FOCAD: variants seen among roughly 807,000 people sequenced by gnomAD.
FOCAD encodes the protein focadhesin, also known as KIAA1797.
FOCAD carries 198 observed loss-of-function variants against 225.6 expected under a neutral mutation model. The ratio of observed to expected loss-of-function variants is 0.88; its 90% CI spans 0.78 to 0.99. FOCAD has a LOEUF of 0.99. Ranked by LOEUF, FOCAD falls within the 50% of genes least tolerant of loss-of-function variation. The pLI, the probability that FOCAD is intolerant of heterozygous loss-of-function variation, is 0.00. For synonymous variants in FOCAD, 897 were observed against 755.0 expected (o/e 1.19, Z -3.08); for missense variants, 2,713 against 2,123.6 (o/e 1.28, Z -5.46).
intron 14 of FOCAD, among the ~76,000 whole-genome samples, chr9:20,821,404 T>C (rs1039009858): frequency 6.6e-6 from 1 of 152,130 alleles, no homozygotes; most frequent in African/African-American, 2.4e-5. Context: ...TAGACTGTTG[T>C]CATAAACTAT....
intron 7 of FOCAD, among the ~76,000 whole-genome samples, chr9:20,765,396 A>G (rs773099879): frequency 9.9e-5 from 15 of 152,018 alleles, no homozygotes; most frequent in African/African-American, 2.9e-4. Flanking sequence ...CTGTGTAGAC[A>G]TTGGGACAGT....
At chr9:20,866,410 A>T (rs1233060907) in intron 17 of FOCAD, among the ~76,000 whole-genome samples, 1 of 151,972 alleles carries the variant, frequency 6.6e-6, no homozygotes, top group Non-Finnish European at 1.5e-5. Context: ...TTAGATTCCA[A>T]AAAGGCTAAC....
At position 20,791,127 on chromosome 9, in the gene FOCAD, A is replaced by G. The variant is rs1277105674; in HGVS notation, c.1455+1519A>G. On this transcript the variant is annotated intron_variant, in intron 11 of 43. Transcript: ENST00000338382. ...GCAGATAATGCCTGGAGATTATCTA[A>G]AGAAGGATTCCCTTGAAGTTATACA... Among the ~76,000 whole-genome samples the G allele has an allele frequency of 2.6e-5, 4 of 152,098 alleles. No homozygotes were observed. The East Asian group carries it at 7.7e-4, about 29-fold the overall frequency.
intron 22 of FOCAD, among the ~76,000 whole-genome samples, chr9:20,910,097 C>A (rs1833315095): frequency 6.6e-6 from 1 of 152,032 alleles, no homozygotes; most frequent in Non-Finnish European, 1.5e-5. Context: ...CCTAATTTTT[C>A]CATAGGAACT....
At position 20,817,025 on chromosome 9, in the gene FOCAD, T is replaced by A. The variant is rs189216656; in HGVS notation, c.1456-2771T>A. ...AATGAGGTGTGCGTATCTGTGTGTC[T>A]GACCATCCTGGAACCAGTCCCTGTA... On this transcript the variant is annotated intron_variant, in intron 11 of 43. Transcript: ENST00000338382. 2.6e-5 allele frequency among the ~76,000 whole-genome samples: 4 copies of A among 152,272 alleles called. 1 individual carries two copies. The East Asian group carries it at 7.7e-4, about 29-fold the overall frequency.
At chr9:20,661,230 C>T (rs568796212) in intron 2 of FOCAD, among the ~76,000 whole-genome samples, 5 of 152,002 alleles carry the variant, frequency 3.3e-5, no homozygotes, top group Non-Finnish European at 7.4e-5. Flanking sequence ...GGGAGACAAC[C>T]AAAGACTAGT....
intron 8 of FOCAD, among the ~76,000 whole-genome samples, chr9:20,770,593 G>C (rs903327854): frequency 6.6e-6 from 1 of 152,194 alleles, no homozygotes. Flanking sequence ...ATCTGCACCA[G>C]ACCCCACTTC....
At chr9:20,867,092 T>A in intron 18 of FOCAD, 80 bp downstream of exon 18, 1 of 854,538 alleles carries the variant, frequency 1.2e-6, no homozygotes, top group Non-Finnish European at 1.9e-6. Flanking sequence ...TAGGAGATAC[T>A]TACCTGATGA....
intron 34 of FOCAD, 88 bp downstream of exon 34, chr9:20,951,186 C>A: frequency 1.0e-6 from 1 of 975,462 alleles, no homozygotes; most frequent in Non-Finnish European, 1.6e-6. Context: ...TTAATCTTCA[C>A]AACAACCCTA....
chr9:20,884,692 C>T (rs983839682), intron 20 of FOCAD, among the ~76,000 whole-genome samples: 2 of 152,008 alleles, frequency 1.3e-5, no homozygotes, highest in Admixed American at 6.6e-5. Context: ...AACAAGTTAG[C>T]TTTTAGTTAT....
intron 15 of FOCAD, among the ~76,000 whole-genome samples, chr9:20,852,134 T>A (rs1202722192): frequency 6.6e-6 from 1 of 151,830 alleles, no homozygotes; most frequent in African/African-American, 2.4e-5. Flanking sequence ...AAAATCTTGT[T>A]TATCCTTGTT....
At chr9:20,683,796 GCTGT>G (rs1822489273), upstream of FOCAD, 1 of 152,176 alleles carries the variant, frequency 6.6e-6, no homozygotes, top group Non-Finnish European at 1.5e-5. Context: ...CGGCAAGTCG[GCTGT>G]CTGCTTTAAA....
chr9:20,945,106 T>C (rs896102536), intron 29 of FOCAD, among the ~76,000 whole-genome samples: 6 of 152,230 alleles, frequency 3.9e-5, no homozygotes, highest in Non-Finnish European at 7.3e-5. Context: ...AAGCCAAATA[T>C]AACTTTCAAA....
intron 9 of FOCAD, among the ~76,000 whole-genome samples, chr9:20,780,495 A>G (rs974852550): frequency 6.6e-6 from 1 of 152,224 alleles, no homozygotes; most frequent in Non-Finnish European, 1.5e-5. Flanking sequence ...CCTTAGAGTG[A>G]ATAAACTGTA....
At chr9:20,844,084 C>G (rs1460123699) in intron 15 of FOCAD, among the ~76,000 whole-genome samples, 1 of 152,062 alleles carries the variant, frequency 6.6e-6, no homozygotes, top group Admixed American at 6.6e-5. Flanking sequence ...AAGCCCATTT[C>G]TAGGAATGTA....
chr9:20,683,952 A>G (rs1329552320), upstream of FOCAD: 1 of 152,260 alleles, frequency 6.6e-6, no homozygotes, highest in Non-Finnish European at 1.5e-5. Flanking sequence ...CTGCAGTGGC[A>G]TCTCTAGGCA....
At chr9:20,926,525 T>A in intron 26 of FOCAD, 108 bp downstream of exon 26, 1 of 701,654 alleles carries the variant, frequency 1.4e-6, no homozygotes, top group Non-Finnish European at 2.5e-6. Context: ...GGCTCACGCC[T>A]GTAATCCCAG....
upstream of FOCAD, chr9:20,683,656 G>A (rs1313262146): frequency 1.3e-5 from 2 of 152,112 alleles, no homozygotes; most frequent in Admixed American, 1.3e-4. Context: ...GAAACACTTG[G>A]GCTAGAACTA....
Position 20,732,917 on chromosome 9 carries a change from C to T in FOCAD, c.288-7319C>T, listed in dbSNP as rs114641020. 7.1e-3 allele frequency among the ~76,000 whole-genome samples: 1,078 copies of T among 152,098 alleles called. 14 individuals are homozygous for T. The highest frequency in any genetic ancestry group is 0.025 in the African/African-American group (1,047 of 41,496). On this transcript the variant is annotated intron_variant, in intron 4 of 43. Coordinates refer to ENST00000338382, the MANE Select transcript of FOCAD (RefSeq NM_001375567.1). ...GGGAACATTAGAAGACCAGGTGTGT[C>T]GGGGGAGAGCATGGGTTCAATTTTG...
Sources: gnomAD v4.1 joint callset for allele counts (sites outside exome capture counted in the v4.1 genomes callset) on GRCh38, gnomAD v4.1.1 for gene constraint, MANE v1.5 for transcripts, NCBI Gene and HGNC (gene_info 2026-07-23, HGNC 2026-07-21) for gene names.